The following GAB1 variants were observed in gnomAD, a reference collection of about 807,000 sequenced individuals.
The protein encoded by GAB1 is GRB2 associated binding protein 1, also known as GRB2-associated-binding protein 1.
Under a neutral mutation model 66.5 loss-of-function variants are expected in GAB1, and 19 were observed. The observed-to-expected ratio is 0.29, with a 90% confidence interval of 0.20 to 0.42. GAB1 has a LOEUF of 0.42. GAB1 is among the 10% of genes least tolerant of loss of function. The pLI is 1.00. For synonymous variants in GAB1, 294 were observed against 301.4 expected (o/e 0.98, Z 0.25); for missense variants, 732 against 858.5 (o/e 0.85, Z 1.84).
intron 1 of GAB1, among the ~76,000 whole-genome samples, chr4:143,377,960 T>C (rs534971683): frequency 6.6e-6 from 1 of 152,192 alleles, no homozygotes; most frequent in East Asian, 1.9e-4. Context: ...GAACAGAACG[T>C]CCCATAGAAA....
chr4:143,337,509 G>T (rs2149637916), intron 1 of GAB1, among the ~76,000 whole-genome samples: 1 of 152,280 alleles, frequency 6.6e-6, no homozygotes. Flanking sequence ...GGGCCTGTTC[G>T]CCCCATAAAA....
chr4:143,348,204 T>A (rs1729050366), intron 1 of GAB1, among the ~76,000 whole-genome samples: 2 of 152,256 alleles, frequency 1.3e-5, no homozygotes, highest in African/African-American at 4.8e-5. Context: ...TTAAAGCTCA[T>A]CTATGGCTCT....
rs28925905 is a variant in GAB1 at position 143,439,755 on chromosome 4, G to A, written c.1196-47G>A. Reference sequence around the variant, plus strand: ...ATAGGTCATCCCAATGACCCTGAGAGCTGGCAAAGATGGGAATAAATGTTG... The same window carrying A: ...ATAGGTCATCCCAATGACCCTGAGAACTGGCAAAGATGGGAATAAATGTTG... On this transcript the variant is annotated intron_variant, in intron 4 of 9. Transcript: ENST00000262994. 0.01 allele frequency: 13,909 copies of A among 1,336,290 alleles called. 608 individuals are homozygous for A. The Admixed American group carries it at 0.12, about 12-fold the overall frequency. 82.8% of individuals were successfully genotyped at this position (1,336,290 alleles called of 1,614,324 possible).
chr4:143,350,113 G>A (rs1241568211), intron 1 of GAB1: 22 of 1,125,040 alleles, frequency 2.0e-5, no homozygotes, highest in East Asian at 2.6e-5. Flanking sequence ...GGCGTCATCC[G>A]CCATTTGGTG....
At position 143,469,426 on chromosome 4, in the gene GAB1, A is replaced by T. The variant is rs777180158; in HGVS notation, c.*237A>T. 8.9e-6 allele frequency: 4 copies of T among 450,736 alleles called. No homozygotes were observed. In the South Asian group the frequency reaches 1.3e-4, roughly 15 times the overall value. 27.9% of individuals were successfully genotyped at this position (450,736 alleles called of 1,614,324 possible). ...AGTATTGTTTAGCTCCCAGAGAAAC[A>T]TTTGTTCCACAGTTAACACACTCGT... On this transcript the variant is annotated 3_prime_UTR_variant, in exon 10 of 10. Transcript: ENST00000262994.
At chr4:143,376,403 T>C (rs1730418050) in intron 1 of GAB1, among the ~76,000 whole-genome samples, 1 of 152,180 alleles carries the variant, frequency 6.6e-6, no homozygotes. Context: ...TGTTGAACAT[T>C]TTTCAGATTA....
In GAB1 at chr4:143,438,313, T is replaced by G. The variant is rs1443481831; in HGVS notation, c.908T>G (p.Val303Gly). The change falls in exon 4 of 10, where the codon GTA (valine) becomes GGA (glycine). Residue 303 changes from valine to glycine, a missense_variant. Transcript: ENST00000262994. ...TSSVETQMRH[V>G]SISYDIPPTP... ...AGTGTAGAGACTCAAATGAGGCATG[T>G]ATCTATTAGTTATGACATTCCTCCA... 6.2e-7 allele frequency: 1 copy of G among 1,614,046 alleles called. No homozygotes were observed. The highest frequency in any genetic ancestry group is 8.5e-7 in the Non-Finnish European group (1 of 1,179,904).
intron 1 of GAB1, among the ~76,000 whole-genome samples, chr4:143,347,589 A>G (rs1729031573): frequency 6.6e-6 from 1 of 152,232 alleles, no homozygotes. Flanking sequence ...CCACATGAAC[A>G]GGGCACTGTG....
chr4:143,345,398 G>T (rs1360470315), intron 1 of GAB1, among the ~76,000 whole-genome samples: 1 of 152,148 alleles, frequency 6.6e-6, no homozygotes, highest in Non-Finnish European at 1.5e-5. Context: ...TGGCCACATT[G>T]TCTCATGAAT....
In GAB1 at chr4:143,471,585, T is replaced by C. The variant is rs530121280; in HGVS notation, c.*2396T>C. ...CTGAGTTATTTCTGAATAACACAAA[T>C]GTGGAGTTATACATAGTTGATGAAA... is the stretch of plus-strand genomic sequence containing the variant. On this transcript the variant is annotated 3_prime_UTR_variant, in exon 10 of 10. Transcript: ENST00000262994. 3 of 152,312 alleles carry C rather than the reference T, an allele frequency of 2.0e-5. No individual in the cohort carries two copies. The highest frequency in any genetic ancestry group is 7.2e-5 in the African/African-American group (3 of 41,580). 9.4% of individuals were successfully genotyped at this position (152,312 alleles called of 1,614,324 possible).
Position 143,438,352 on chromosome 4 carries a change from C to A in GAB1, c.947C>A (p.Thr316Asn). The change falls in exon 4 of 10, where the codon ACT (threonine) becomes AAT (asparagine). Residue 316 changes from threonine to asparagine, a missense_variant. Physicochemically the swap from Thr to Asn is moderately conservative, Grantham distance 65. Transcript: ENST00000262994. ...SYDIPPTPGN[T>N]YQIPRTFPEG... is the part of the protein sequence containing the mutation. The stretch of plus-strand genomic sequence containing the variant: ...GACATTCCTCCAACACCTGGTAATA[C>A]TTATCAGATTCCACGAACATTTCCA... 6.2e-7 allele frequency: 1 copy of A among 1,614,106 alleles called. No homozygotes were observed. The highest frequency in any genetic ancestry group is 8.5e-7 in the Non-Finnish European group (1 of 1,179,974).
Position 143,470,793 on chromosome 4 carries a change from A to G in GAB1, c.*1604A>G, listed in dbSNP as rs886503820. On this transcript the variant is annotated 3_prime_UTR_variant, in exon 10 of 10. Transcript: ENST00000262994. ...TGCCCTGATTTCTGGCCCATTGGCC[A>G]TAGTACTGTGCCTAATCAATGTAAT... The G allele has an allele frequency of 2.0e-5, 3 of 152,264 alleles. No individual in the cohort carries two copies. The highest frequency in any genetic ancestry group is 4.4e-5 in the Non-Finnish European group (3 of 68,054). 9.4% of individuals were successfully genotyped at this position (152,264 alleles called of 1,614,324 possible). A position where few individuals can be genotyped will look rare whatever the true frequency, so the allele number is the denominator to read the frequency against.
intron 2 of GAB1, among the ~76,000 whole-genome samples, chr4:143,430,402 G>T (rs1412750181): frequency 6.6e-6 from 1 of 152,088 alleles, no homozygotes; most frequent in Non-Finnish European, 1.5e-5. Flanking sequence ...TATTCCCTAA[G>T]ATATAACCTG....
intron 1 of GAB1, among the ~76,000 whole-genome samples, chr4:143,359,691 C>T (rs959168993): frequency 2.6e-5 from 4 of 152,182 alleles, no homozygotes; most frequent in Admixed American, 2.6e-4. Context: ...TCAGGCCAGC[C>T]AAAGATTGGA....
chr4:143,437,963 A>C, intron 3 of GAB1, 36 bp from the exon 4 acceptor site: 1 of 1,573,944 alleles, frequency 6.4e-7, no homozygotes, highest in Non-Finnish European at 8.6e-7. Context: ...CTTAGTCTCC[A>C]CCTTGTTTAT....
intron 6 of GAB1, among the ~76,000 whole-genome samples, chr4:143,454,242 C>T (rs1437869361): frequency 4.6e-5 from 7 of 152,162 alleles, no homozygotes; most frequent in African/African-American, 1.7e-4. Context: ...ATTCTGTGTT[C>T]TTGTCTGTAA....
intron 1 of GAB1, among the ~76,000 whole-genome samples, chr4:143,408,191 C>T (rs936637934): frequency 6.6e-6 from 1 of 152,148 alleles, no homozygotes; most frequent in Non-Finnish European, 1.5e-5. Context: ...TATCCATTCA[C>T]TAATTGCAGA....
At chr4:143,375,007 G>C (rs970066760) in intron 1 of GAB1, among the ~76,000 whole-genome samples, 1 of 152,190 alleles carries the variant, frequency 6.6e-6, no homozygotes, top group Non-Finnish European at 1.5e-5. Context: ...GAGTGCAGTC[G>C]TGTGATCCTG....
intron 1 of GAB1, among the ~76,000 whole-genome samples, chr4:143,362,830 A>G (rs181299202): frequency 1.1e-4 from 16 of 152,242 alleles, no homozygotes; most frequent in African/African-American, 3.9e-4. Flanking sequence ...AAGAATGCCT[A>G]ACTTCCTGGC....
Sources: allele counts gnomAD v4.1 joint callset (sites outside exome capture counted in the v4.1 genomes callset), GRCh38; gene constraint gnomAD v4.1.1; transcripts MANE v1.5; gene names NCBI Gene and HGNC (gene_info 2026-07-23, HGNC 2026-07-21).